Variants in KIAA1217 observed in about 807,000 individuals in gnomAD.
KIAA1217 encodes sickle tail protein homolog.
A neutral mutation model predicts 163.9 loss-of-function variants in KIAA1217; 88 were observed. The ratio of observed to expected loss-of-function variants is 0.54; its 90% CI spans 0.45 to 0.64. The LOEUF (loss-of-function observed/expected upper bound fraction) is 0.64. Among genes scored for constraint, KIAA1217 ranks in the 30% least tolerant of loss-of-function variants. KIAA1217 has a pLI of 0.00. For synonymous variants in KIAA1217, 903 were observed against 923.1 expected (o/e 0.98, Z 0.39); for missense variants, 2,372 against 2,475.0 (o/e 0.96, Z 0.88).
intron 1 of KIAA1217, among the ~76,000 whole-genome samples, chr10:23,898,669 T>C (rs77394383): frequency 0.019 from 2,871 of 152,172 alleles, 96 homozygotes; most frequent in African/African-American, 0.063. Context: ...AATATATTCA[T>C]ATTGTTGTGC....
At chr10:24,386,090 G>T (rs1239298711) in intron 3 of KIAA1217, among the ~76,000 whole-genome samples, 2 of 152,182 alleles carry the variant, frequency 1.3e-5, no homozygotes, top group Non-Finnish European at 2.9e-5. Context: ...ACTTCTTGAT[G>T]CAGACAGATT....
intron 2 of KIAA1217, among the ~76,000 whole-genome samples, chr10:24,252,714 CT>C (rs1243282829): frequency 1.3e-5 from 2 of 152,130 alleles, no homozygotes; most frequent in African/African-American, 4.8e-5. Context: ...AGGTATTGCC[CT>C]AGTCTCTGGG....
intron 6 of KIAA1217, chr10:24,481,876 G>A (rs947505312): frequency 6.6e-6 from 1 of 152,070 alleles, no homozygotes; most frequent in African/African-American, 2.4e-5. Context: ...GATGTCATTT[G>A]GGAAAGACCA....
At chr10:24,047,936 A>T (rs372335754) in intron 2 of KIAA1217, among the ~76,000 whole-genome samples, 2 of 152,274 alleles carry the variant, frequency 1.3e-5, no homozygotes, top group South Asian at 2.1e-4. Flanking sequence ...TTTTCCTAAT[A>T]ATAAGGAGCA....
At chr10:24,492,542 G>A (rs1592369295) in intron 6 of KIAA1217, among the ~76,000 whole-genome samples, 1 of 152,004 alleles carries the variant, frequency 6.6e-6, no homozygotes, top group African/African-American at 2.4e-5. Flanking sequence ...TTCCTCCTTG[G>A]TGGATTTGCA....
At chr10:24,050,998 TTC>T (rs1849461962) in intron 2 of KIAA1217, among the ~76,000 whole-genome samples, 2 of 152,262 alleles carry the variant, frequency 1.3e-5, no homozygotes, top group East Asian at 3.9e-4. Context: ...TAGTGGTGAT[TTC>T]TGAGATTTTG....
At chr10:24,316,846 T>A (rs1449812456) in intron 2 of KIAA1217, among the ~76,000 whole-genome samples, 1 of 152,198 alleles carries the variant, frequency 6.6e-6, no homozygotes, top group East Asian at 1.9e-4. Flanking sequence ...CAGCATTCTG[T>A]GGTCTTCTAT....
At chr10:23,979,339 A>C (rs1306453820) in intron 1 of KIAA1217, among the ~76,000 whole-genome samples, 1 of 152,152 alleles carries the variant, frequency 6.6e-6, no homozygotes, top group African/African-American at 2.4e-5. Context: ...GGAAGATCTA[A>C]TGCTCAAATC....
At chr10:24,327,598 C>G (rs1220398873) in intron 2 of KIAA1217, among the ~76,000 whole-genome samples, 2 of 152,062 alleles carry the variant, frequency 1.3e-5, no homozygotes, top group Admixed American at 6.5e-5. Flanking sequence ...TGAAGCGATC[C>G]TCCCACCTCA....
intron 1 of KIAA1217, among the ~76,000 whole-genome samples, chr10:23,757,028 C>A (rs1167198990): frequency 6.6e-6 from 1 of 152,182 alleles, no homozygotes; most frequent in Admixed American, 6.5e-5. Context: ...AAGTTTCATC[C>A]ATGTCATAGC....
intron 1 of KIAA1217, among the ~76,000 whole-genome samples, chr10:23,964,985 G>C (rs569905036): frequency 6.6e-6 from 1 of 152,264 alleles, no homozygotes; most frequent in Admixed American, 6.5e-5. Flanking sequence ...ACTTCTATTA[G>C]AGGCAAAGGA....
At chr10:23,836,975 G>A (rs111338575) in intron 1 of KIAA1217, among the ~76,000 whole-genome samples, 1,640 of 151,962 alleles carry the variant, frequency 0.011, 34 homozygotes, top group African/African-American at 0.037. Flanking sequence ...GGTACATTGT[G>A]CCCATGAAGT....
intron 2 of KIAA1217, among the ~76,000 whole-genome samples, chr10:24,304,439 A>C (rs1228694119): frequency 6.6e-6 from 1 of 152,064 alleles, no homozygotes; most frequent in Non-Finnish European, 1.5e-5. Context: ...TCCTGGGCTC[A>C]AGCAATCTTC....
At chr10:24,366,984 G>A (rs1488853158) in intron 2 of KIAA1217, 5 of 163,942 alleles carry the variant, frequency 3.0e-5, no homozygotes, top group South Asian at 2.0e-4. Flanking sequence ...CTTTCTTTTC[G>A]GGGAAGAGGA....
intron 7 of KIAA1217, 96 bp downstream of exon 7, chr10:24,494,700 C>A: frequency 1.1e-6 from 1 of 888,576 alleles, no homozygotes; most frequent in Non-Finnish European, 1.7e-6. Context: ...TTCTTGTAAT[C>A]ATTTCAAGGC....
intron 3 of KIAA1217, among the ~76,000 whole-genome samples, chr10:24,385,461 G>A (rs1240670530): frequency 1.3e-5 from 2 of 152,182 alleles, no homozygotes; most frequent in Non-Finnish European, 2.9e-5. Flanking sequence ...GATGCAAGGT[G>A]TCTACTTCTC....
intron 1 of KIAA1217, among the ~76,000 whole-genome samples, chr10:23,818,354 A>ATATAT (rs1837464609): frequency 1.5e-5 from 2 of 137,516 alleles, no homozygotes; most frequent in Admixed American, 1.5e-4. Flanking sequence ...ATAAAAAAAT[A>ATATAT]TATATATATA....
At chr10:24,009,059 T>G (rs1250075875) in intron 2 of KIAA1217, among the ~76,000 whole-genome samples, 1 of 152,216 alleles carries the variant, frequency 6.6e-6, no homozygotes, top group Non-Finnish European at 1.5e-5. Flanking sequence ...GCAAAAGCAC[T>G]AATCATTCTC....
intron 2 of KIAA1217, among the ~76,000 whole-genome samples, chr10:24,274,758 T>G (rs1564386421): frequency 2.0e-5 from 3 of 152,296 alleles, no homozygotes; most frequent in Non-Finnish European, 4.4e-5. Context: ...TGAAGACACC[T>G]TTTAAAATAT....
Sources: allele counts gnomAD v4.1 joint callset (sites outside exome capture counted in the v4.1 genomes callset), GRCh38; gene constraint gnomAD v4.1.1; transcripts MANE v1.5; gene names NCBI Gene and HGNC (gene_info 2026-07-23, HGNC 2026-07-21).